CDYL: variants seen among roughly 807,000 people sequenced by gnomAD.
The protein encoded by CDYL is chromodomain Y-like protein.
CDYL carries 8 observed loss-of-function variants against 47.3 expected under a neutral mutation model. That is an observed-to-expected ratio of 0.17 (90% CI 0.10 to 0.31). The LOEUF (loss-of-function observed/expected upper bound fraction) is 0.31. Ranked by LOEUF, CDYL falls within the 10% of genes least tolerant of loss-of-function variation. CDYL has a pLI of 1.00. For synonymous variants in CDYL, 266 were observed against 265.0 expected (o/e 1.00, Z -0.04); for missense variants, 471 against 701.4 (o/e 0.67, Z 3.71).
chr6:4,724,313 C>T (rs1448405199), intron 2 of CDYL: 2 of 152,012 alleles, frequency 1.3e-5, no homozygotes, highest in South Asian at 4.1e-4. Flanking sequence ...GGCCTCCCAA[C>T]GTGATGGGAT....
At chr6:4,832,013 A>G (rs1319496058) in intron 1 of CDYL, among the ~76,000 whole-genome samples, 3 of 152,024 alleles carry the variant, frequency 2.0e-5, no homozygotes, top group African/African-American at 4.8e-5. Flanking sequence ...CAATCATGTC[A>G]TCTGCAAACA....
intron 3 of CDYL, among the ~76,000 whole-genome samples, chr6:4,754,656 C>A (rs1053213990): frequency 2.2e-4 from 34 of 152,160 alleles, no homozygotes; most frequent in African/African-American, 8.0e-4. Context: ...ATTAAAATGC[C>A]ATTAGATTAT....
rs34649909 is a variant in CDYL, at chr6:4,943,770, T to TAA, written c.1332+30_1332+31dup. ...GGAGGAGCATCTGTGAGTACCTTTT[T>TAA]AAAAAAAAAAAAAAAAAGTCATTCT... On this transcript the variant is annotated intron_variant, in intron 5 of 6. Coordinates refer to ENST00000397588, the MANE Select transcript of CDYL (RefSeq NM_004824.4). 0.12 allele frequency: 136,020 copies of TAA among 1,160,506 alleles called. 875 individuals are homozygous for TAA. Among genetic ancestry groups the TAA allele is most frequent in the Non-Finnish European group, 0.12 (103,689 of 834,330 alleles). 71.9% of individuals were successfully genotyped at this position (1,160,506 alleles called of 1,614,324 possible).
At chr6:4,760,093 C>T (rs988470785) in intron 3 of CDYL, among the ~76,000 whole-genome samples, 19 of 151,578 alleles carry the variant, frequency 1.3e-4, no homozygotes, top group African/African-American at 4.4e-4. Flanking sequence ...GGGGTTGAAA[C>T]AATCCTTTAT....
rs142267928 is a variant in CDYL, at chr6:4,874,498, G to C, written c.25-17215G>C. Among the ~76,000 whole-genome samples, 97 of 152,298 alleles carry C rather than the reference G, an allele frequency of 6.4e-4. 1 individual carries two copies. Among genetic ancestry groups the C allele is most frequent in the African/African-American group, 2.3e-3 (94 of 41,564 alleles). On this transcript the variant is annotated intron_variant, in intron 1 of 6. Transcript: ENST00000397588. ...TGAAAACCCAGCTGCAGTGTTAGGT[G>C]CTGTTGGCCAGAAGCACCTCTCCAT...
intron 2 of CDYL, among the ~76,000 whole-genome samples, chr6:4,903,233 G>T (rs1389544727): frequency 2.0e-5 from 3 of 152,178 alleles, no homozygotes; most frequent in Non-Finnish European, 2.9e-5. Context: ...GCAGGCCTGT[G>T]CTCCTGCGCC....
At chr6:4,787,255 A>AG (rs11381435) in intron 1 of CDYL, among the ~76,000 whole-genome samples, 150,184 of 152,248 alleles carry the variant, frequency 0.99, 74,084 homozygotes, top group Middle Eastern at 1. Context: ...TGTGTGTTTG[A>AG]GGGAGGTGCT....
chr6:4,878,107 A>G (rs1761666873), intron 1 of CDYL, among the ~76,000 whole-genome samples: 1 of 152,172 alleles, frequency 6.6e-6, no homozygotes, highest in Non-Finnish European at 1.5e-5. Context: ...GCCACATTTA[A>G]TCATGACATT....
At chr6:4,871,987 C>A (rs149135263) in intron 1 of CDYL, among the ~76,000 whole-genome samples, 1 of 152,260 alleles carries the variant, frequency 6.6e-6, no homozygotes, top group East Asian at 1.9e-4. Context: ...GGGTTTCTGA[C>A]CAGAGCTGTT....
chr6:4,918,047 C>A (rs1445747429), intron 2 of CDYL, among the ~76,000 whole-genome samples: 1 of 152,148 alleles, frequency 6.6e-6, no homozygotes, highest in Non-Finnish European at 1.5e-5. Flanking sequence ...CGGCCACACA[C>A]TGTTAATGAA....
At chr6:4,778,023 G>A (rs1358548572) in intron 1 of CDYL, among the ~76,000 whole-genome samples, 1 of 152,016 alleles carries the variant, frequency 6.6e-6, no homozygotes, top group African/African-American at 2.4e-5. Flanking sequence ...GCTGTGCCCC[G>A]CTGTATTCAG....
upstream of CDYL, among the ~76,000 whole-genome samples, chr6:4,776,192 C>T (rs868541755): frequency 0.022 from 3,125 of 141,186 alleles, 110 homozygotes; most frequent in African/African-American, 0.057. Flanking sequence ...CCCCCGACTG[C>T]CCCGCTCCTC....
chr6:4,744,094 G>A (rs1213965050), intron 3 of CDYL, among the ~76,000 whole-genome samples: 5 of 152,146 alleles, frequency 3.3e-5, no homozygotes, highest in Admixed American at 2.6e-4. Flanking sequence ...AGGAGGGGTG[G>A]GGAGCTGAAT....
chr6:4,918,966 A>C (rs952466691), intron 2 of CDYL, among the ~76,000 whole-genome samples: 1 of 152,248 alleles, frequency 6.6e-6, no homozygotes, highest in African/African-American at 2.4e-5. Flanking sequence ...ATAGTAATCT[A>C]TAAGTATGGG....
intron 1 of CDYL, among the ~76,000 whole-genome samples, chr6:4,850,898 A>G (rs1760804607): frequency 2.6e-5 from 4 of 152,228 alleles, no homozygotes; most frequent in Admixed American, 2.6e-4. Flanking sequence ...TTAACTAACA[A>G]GCAGAAAATC....
At chr6:4,834,219 TC>T (rs1462245576) in intron 1 of CDYL, among the ~76,000 whole-genome samples, 4 of 152,180 alleles carry the variant, frequency 2.6e-5, no homozygotes, top group African/African-American at 7.2e-5. Context: ...TACCAGTTGT[TC>T]CTTTCCATGT....
At chr6:4,866,775 C>A (rs1021590686) in intron 1 of CDYL, among the ~76,000 whole-genome samples, 1 of 151,896 alleles carries the variant, frequency 6.6e-6, no homozygotes, top group African/African-American at 2.4e-5. Context: ...AGTAGGAGAC[C>A]ATTCAATAAA....
At chr6:4,890,117 T>TTA (rs1164527388) in intron 1 of CDYL, 1 of 985,286 alleles carries the variant, frequency 1.0e-6, no homozygotes, top group Non-Finnish European at 1.2e-6. Context: ...GGAGTGGACA[T>TTA]TGATTTAAGG....
At chr6:4,717,388 G>A (rs778472661) in intron 2 of CDYL, among the ~76,000 whole-genome samples, 7 of 152,050 alleles carry the variant, frequency 4.6e-5, no homozygotes, top group Non-Finnish European at 1.0e-4. Flanking sequence ...AGGGACTTCC[G>A]CTTAGGCAAA....
Sources: gnomAD v4.1 joint callset for allele counts (sites outside exome capture counted in the v4.1 genomes callset) on GRCh38, gnomAD v4.1.1 for gene constraint, MANE v1.5 for transcripts, NCBI Gene and HGNC (gene_info 2026-07-23, HGNC 2026-07-21) for gene names.